CCDC88A: variants seen among roughly 807,000 people sequenced by gnomAD.
The protein encoded by CCDC88A is coiled-coil and HOOK domain protein 88A.
In CCDC88A, 54 loss-of-function variants were observed where a neutral mutation model predicts 234.3. That is an observed-to-expected ratio of 0.23 (90% CI 0.19 to 0.29). The LOEUF is 0.29. Ranked by LOEUF, CCDC88A falls within the 10% of genes least tolerant of loss-of-function variation. The pLI is 1.00. For missense variants in CCDC88A, 1,832 were observed against 2,123.4 expected (o/e 0.86, Z 2.70); for synonymous variants, 753 against 737.8 (o/e 1.02, Z -0.33).
chr2:55,391,930 T>C (rs183494190), intron 2 of CCDC88A, among the ~76,000 whole-genome samples: 2 of 152,324 alleles, frequency 1.3e-5, no homozygotes, highest in African/African-American at 4.8e-5. Flanking sequence ...ACTGCAATCT[T>C]TAATCTCTTT....
At chr2:55,391,554 G>A (rs573880092) in intron 2 of CCDC88A, among the ~76,000 whole-genome samples, 1 of 152,292 alleles carries the variant, frequency 6.6e-6, no homozygotes, top group East Asian at 1.9e-4. Flanking sequence ...ACGTTAAGTA[G>A]GAAGAAATGT....
intron 13 of CCDC88A, among the ~76,000 whole-genome samples, chr2:55,338,142 G>T (rs960312494): frequency 6.6e-6 from 1 of 152,026 alleles, no homozygotes; most frequent in Non-Finnish European, 1.5e-5. Context: ...AAACTTCAAA[G>T]CTAATTTCAA....
chr2:55,375,497 A>G (rs986845115), intron 3 of CCDC88A, among the ~76,000 whole-genome samples: 10 of 23,172 alleles, frequency 4.3e-4, no homozygotes, highest in Non-Finnish European at 7.1e-4. Context: ...ATATATATAT[A>G]TATATATATA....
intron 11 of CCDC88A, chr2:55,344,022 A>G (rs138260113): frequency 7.3e-6 from 3 of 413,536 alleles, no homozygotes; most frequent in African/African-American, 4.1e-5. Flanking sequence ...ATTCTTCTTC[A>G]TAGTCAACAT....
chr2:55,367,934 G>A (rs1186796643), intron 5 of CCDC88A, among the ~76,000 whole-genome samples: 2 of 152,126 alleles, frequency 1.3e-5, no homozygotes, highest in Non-Finnish European at 2.9e-5. Flanking sequence ...TGGATACTAA[G>A]CAGCCTGCAC....
intron 25 of CCDC88A, among the ~76,000 whole-genome samples, chr2:55,307,078 A>T (rs1192980678): frequency 6.6e-6 from 1 of 151,990 alleles, no homozygotes; most frequent in Non-Finnish European, 1.5e-5. Flanking sequence ...GTGTGTGTTC[A>T]ATTAGTGACA....
chr2:55,289,229 A>G lies in CCDC88A; in HGVS notation c.*1971T>C, dbSNP rs1210789753. ...ATTGGGCTACATCACCACCCATTAAATTTCAGCTTTTCAGTAATTGTTCTG... is the reference window on the plus strand; with the variant it reads ...ATTGGGCTACATCACCACCCATTAAGTTTCAGCTTTTCAGTAATTGTTCTG... On this transcript the variant is annotated 3_prime_UTR_variant, in exon 33 of 33. Transcript: ENST00000436346. 1.3e-5 allele frequency: 2 copies of G among 152,620 alleles called. No individual in the cohort carries two copies. The highest frequency in any genetic ancestry group is 4.8e-5 in the African/African-American group (2 of 41,458). The allele number at this position is 152,620 out of a possible 1,614,324, so 9.5% of individuals were successfully genotyped here. A position where few individuals can be genotyped will look rare whatever the true frequency, so the allele number is the denominator to read the frequency against.
intron 2 of CCDC88A, among the ~76,000 whole-genome samples, chr2:55,398,559 C>G (rs1248627325): frequency 6.6e-6 from 1 of 152,132 alleles, no homozygotes; most frequent in Non-Finnish European, 1.5e-5. Context: ...CCTTTTCACC[C>G]TAAGGATGTG....
chr2:55,342,300 T>C (rs533281546), intron 12 of CCDC88A, among the ~76,000 whole-genome samples: 1 of 152,250 alleles, frequency 6.6e-6, no homozygotes, highest in African/African-American at 2.4e-5. Context: ...AAAAACTACA[T>C]ACACCACAGT....
intron 2 of CCDC88A, among the ~76,000 whole-genome samples, chr2:55,393,299 T>TTTTG (rs1169797610): frequency 3.8e-5 from 5 of 130,362 alleles, no homozygotes; most frequent in Non-Finnish European, 6.5e-5. Context: ...GTTTTTTTTT[T>TTTTG]TTTTTTTTTT....
intron 3 of CCDC88A, among the ~76,000 whole-genome samples, chr2:55,376,839 AT>A (rs1389980544): frequency 4.0e-5 from 6 of 150,310 alleles, no homozygotes; most frequent in Non-Finnish European, 7.4e-5. Context: ...GCTTCATTCA[AT>A]TTTTTTTTTG....
chr2:55,410,406 G>T (rs1680276922), intron 2 of CCDC88A, among the ~76,000 whole-genome samples: 1 of 152,188 alleles, frequency 6.6e-6, no homozygotes. Flanking sequence ...AAGTCATTAT[G>T]AAGGTATATT....
chr2:55,344,657 T>C (rs960424810), intron 10 of CCDC88A, 143 bp from the exon 11 acceptor site: 1 of 447,266 alleles, frequency 2.2e-6, no homozygotes, highest in Non-Finnish European at 3.8e-6. Flanking sequence ...ATACAATTAA[T>C]GTTTTCTTGG....
rs1681939789 is a variant in CCDC88A at position 55,419,143 on chromosome 2, A to G, written c.-64T>C. 1 of 968,408 alleles carries G rather than the reference A, an allele frequency of 1.0e-6. No homozygotes were observed. The highest frequency in any genetic ancestry group is 1.6e-6 in the Non-Finnish European group (1 of 608,074). The allele number at this position is 968,408 out of a possible 1,614,324, so 60.0% of individuals were successfully genotyped here. A position where few individuals can be genotyped will look rare whatever the true frequency, so the allele number is the denominator to read the frequency against. On this transcript the variant is annotated 5_prime_UTR_variant, in exon 1 of 33. It removes the in-frame stop codon of an upstream open reading frame in the 5' UTR. Transcript: ENST00000436346. ...AAATACGCCTAGGGAATTGGTCACT[A>G]AACGTGGAAGTAAGTAGAAATCAAT...
At chr2:55,324,078 CATT>C (rs1390228733) in intron 17 of CCDC88A, 1 of 152,142 alleles carries the variant, frequency 6.6e-6, no homozygotes, top group Non-Finnish European at 1.5e-5. Flanking sequence ...CTTTATGTAT[CATT>C]AATCAAAATC....
intron 7 of CCDC88A, among the ~76,000 whole-genome samples, chr2:55,359,268 A>G (rs1670978233): frequency 6.6e-6 from 1 of 152,180 alleles, no homozygotes; most frequent in East Asian, 1.9e-4. Flanking sequence ...GAGAAAATAC[A>G]GAAGACAGAT....
At position 55,297,371 on chromosome 2, in the gene CCDC88A, TATTATATATAA is replaced by T. The variant is rs1558622511; in HGVS notation, c.4826-859_4826-849del. Among the ~76,000 whole-genome samples, 20 of 105,148 alleles carry T rather than the reference TATTATATATAA, an allele frequency of 1.9e-4. 2 individuals are homozygous for T. Among genetic ancestry groups the T allele is most frequent in the African/African-American group, 7.5e-4 (17 of 22,602 alleles). The allele number at this position is 105,148 out of a possible 152,430, so 69.0% of individuals were successfully genotyped here. A position where few individuals can be genotyped will look rare whatever the true frequency, so the allele number is the denominator to read the frequency against. Reference sequence around the variant, plus strand: ...ATTATATATAAATATATATAATATATATTATATATAAATATATATTATATATAAATATACAT... The same window carrying T: ...ATTATATATAAATATATATAATATATATATATATTATATATAAATATACAT... On this transcript the variant is annotated intron_variant, in intron 29 of 32. Transcript: ENST00000436346.
chr2:55,409,888 C>T (rs994073810), intron 2 of CCDC88A, among the ~76,000 whole-genome samples: 1 of 151,838 alleles, frequency 6.6e-6, no homozygotes, highest in Non-Finnish European at 1.5e-5. Context: ...TTACAGGGGC[C>T]CGCCAACATG....
intron 31 of CCDC88A, chr2:55,294,172 A>G (rs924274319): frequency 6.5e-5 from 50 of 773,432 alleles, no homozygotes; most frequent in South Asian, 3.6e-4. Context: ...TTCCAACACA[A>G]TGAATATAAT....
Sources: allele counts gnomAD v4.1 joint callset (sites outside exome capture counted in the v4.1 genomes callset), GRCh38; gene constraint gnomAD v4.1.1; transcripts MANE v1.5; gene names NCBI Gene and HGNC (gene_info 2026-07-23, HGNC 2026-07-21).